Variants in PRKAR1B observed in about 807,000 individuals in gnomAD.
The protein encoded by PRKAR1B is cAMP-dependent protein kinase type I-beta regulatory subunit.
PRKAR1B carries 22 observed loss-of-function variants against 46.5 expected under a neutral mutation model. The observed-to-expected ratio is 0.47, with a 90% CI of 0.34 to 0.68. PRKAR1B has a LOEUF of 0.68. Ranked by LOEUF, PRKAR1B falls within the 30% of genes least tolerant of loss-of-function variation. PRKAR1B has a pLI of 0.01. For synonymous variants in PRKAR1B, 259 were observed against 217.7 expected, an observed-to-expected ratio of 1.19 and a Z score of -1.67; for missense variants, 445 against 535.6, an observed-to-expected ratio of 0.83 and a Z score of 1.67.
rs746078436 is a variant in PRKAR1B at position 550,416 on chromosome 7, G to T, written c.*14C>A. Reference sequence around the variant, plus strand: ...CCACACTGGGGAGCTGGGGCTGCAGGGCGGGAGCTGTGCTCAGACGGTGAG... The same window carrying T: ...CCACACTGGGGAGCTGGGGCTGCAGTGCGGGAGCTGTGCTCAGACGGTGAG... On this transcript the variant is annotated 3_prime_UTR_variant, in exon 11 of 11. Coordinates refer to ENST00000537384, the MANE Select transcript of PRKAR1B (RefSeq NM_001164760.2). 7 of 1,578,466 alleles carry T rather than the reference G, an allele frequency of 4.4e-6. No homozygotes were observed. The East Asian group carries it at 1.6e-4, about 37-fold the overall frequency.
At chr7:696,320 G>C (rs1222094677) in intron 2 of PRKAR1B, among the ~76,000 whole-genome samples, 2 of 151,298 alleles carry the variant, frequency 1.3e-5, no homozygotes, top group Non-Finnish European at 2.9e-5. Context: ...TGCCCAGGCT[G>C]GAGTGCAGTG....
intron 3 of PRKAR1B, among the ~76,000 whole-genome samples, chr7:679,644 G>T (rs750936386): frequency 1.3e-5 from 2 of 152,232 alleles, no homozygotes; most frequent in Non-Finnish European, 2.9e-5. Flanking sequence ...TGGTGGTGAT[G>T]ATTCCACAAC....
intron 4 of PRKAR1B, among the ~76,000 whole-genome samples, chr7:637,392 G>C (rs371996275): frequency 6.6e-6 from 1 of 152,112 alleles, no homozygotes; most frequent in African/African-American, 2.4e-5. Context: ...ACTCCAGCCT[G>C]GGTGAAGGAG....
intron 4 of PRKAR1B, among the ~76,000 whole-genome samples, chr7:616,825 C>A: frequency 6.6e-6 from 1 of 152,152 alleles, no homozygotes; most frequent in Non-Finnish European, 1.5e-5. Context: ...TGAATCCCAA[C>A]CTCATGTATT....
intron 9 of PRKAR1B, among the ~76,000 whole-genome samples, chr7:561,656 C>T (rs1462475061): frequency 6.6e-6 from 1 of 152,180 alleles, no homozygotes; most frequent in Non-Finnish European, 1.5e-5. Context: ...CGTCACACAC[C>T]CTGGGCTGCA....
intron 9 of PRKAR1B, among the ~76,000 whole-genome samples, chr7:557,557 G>T (rs1250534446): frequency 6.6e-6 from 1 of 152,180 alleles, no homozygotes; most frequent in Non-Finnish European, 1.5e-5. Context: ...AACAGCAGAG[G>T]AGGGAGAAAC....
intron 8 of PRKAR1B, among the ~76,000 whole-genome samples, chr7:583,759 C>T (rs918857470): frequency 1.2e-4 from 18 of 151,600 alleles, no homozygotes; most frequent in Non-Finnish European, 2.5e-4. Flanking sequence ...CATGTGCACT[C>T]GCACCCATGC....
At chr7:572,357 G>A (rs1306980279) in intron 9 of PRKAR1B, among the ~76,000 whole-genome samples, 3 of 152,310 alleles carry the variant, frequency 2.0e-5, no homozygotes, top group East Asian at 3.9e-4. Flanking sequence ...GACAGCGGGC[G>A]TGACCCCGTG....
At chr7:555,487 G>A (rs770310300) in intron 9 of PRKAR1B, among the ~76,000 whole-genome samples, 5 of 152,114 alleles carry the variant, frequency 3.3e-5, no homozygotes, top group Non-Finnish European at 5.9e-5. Context: ...CTCTTCACAC[G>A]CCCTGATAGG....
chr7:718,713 C>T (rs1468623533), intron 1 of PRKAR1B, among the ~76,000 whole-genome samples: 1 of 152,058 alleles, frequency 6.6e-6, no homozygotes, highest in Non-Finnish European at 1.5e-5. Flanking sequence ...ATACCTCCTA[C>T]TTCCCACTTT....
At chr7:673,067 A>AAAAC (rs1786365437) in intron 4 of PRKAR1B, among the ~76,000 whole-genome samples, 2 of 143,024 alleles carry the variant, frequency 1.4e-5, no homozygotes, top group South Asian at 2.3e-4. Flanking sequence ...AAAAAAAAAA[A>AAAAC]AAAAAAAAAA....
intron 10 of PRKAR1B, 32 bp downstream of exon 10, chr7:551,357 C>T (rs377282099): frequency 9.7e-6 from 15 of 1,545,060 alleles, no homozygotes; most frequent in African/African-American, 4.1e-5. Context: ...TGGCCACAGC[C>T]GTGCGAGGGA....
intron 2 of PRKAR1B, among the ~76,000 whole-genome samples, chr7:681,678 C>T (rs1307840995): frequency 6.6e-6 from 1 of 152,158 alleles, no homozygotes; most frequent in Non-Finnish European, 1.5e-5. Context: ...CTCCGAAGCC[C>T]ACCCTGCCTT....
At chr7:663,135 G>GA (rs1444239925) in intron 4 of PRKAR1B, among the ~76,000 whole-genome samples, 4 of 152,232 alleles carry the variant, frequency 2.6e-5, no homozygotes, top group Non-Finnish European at 4.4e-5. Context: ...CCCGCGGGAA[G>GA]AATCAGTCAC....
chr7:559,026 T>A (rs906776901), intron 9 of PRKAR1B, among the ~76,000 whole-genome samples: 4 of 152,198 alleles, frequency 2.6e-5, no homozygotes, highest in African/African-American at 9.7e-5. Flanking sequence ...ACAGACCATT[T>A]GCCTTCCTCG....
At position 666,973 on chromosome 7, in the gene PRKAR1B, T is replaced by C. The variant is rs942151266; in HGVS notation, c.440+10256A>G. Among the ~76,000 whole-genome samples, 1 of 152,182 alleles carries C rather than the reference T, an allele frequency of 6.6e-6. No individual in the cohort carries two copies. The highest frequency in any genetic ancestry group is 6.5e-5 in the Admixed American group (1 of 15,272). On this transcript the variant is annotated intron_variant, in intron 4 of 10. Coordinates refer to ENST00000537384, the MANE Select transcript of PRKAR1B (RefSeq NM_001164760.2). This position sits in a 1 kb window ranked among gnomAD's most constrained non-coding sequence, Gnocchi z 4.9. ...ATGATGATGGCGGTGATGATGATGA[T>C]GGTGATGATAAAGATGATGATGGCA...
intron 4 of PRKAR1B, among the ~76,000 whole-genome samples, chr7:675,650 T>G (rs193222975): frequency 9.1e-4 from 138 of 152,240 alleles, no homozygotes; most frequent in African/African-American, 3.0e-3. Context: ...CCAATGTTCA[T>G]AAAGTTAAAA....
intron 4 of PRKAR1B, among the ~76,000 whole-genome samples, chr7:659,232 C>T (rs1394086005): frequency 2.0e-5 from 3 of 152,206 alleles, no homozygotes; most frequent in Non-Finnish European, 2.9e-5. Flanking sequence ...TACTTATAGT[C>T]TCTTCCATTA....
chr7:608,370 C>T (rs1782237048), intron 4 of PRKAR1B: 1 of 152,204 alleles, frequency 6.6e-6, no homozygotes, highest in African/African-American at 2.4e-5. Context: ...CACAGGTGCA[C>T]CCTGACTCCC....
Sources: gnomAD v4.1 joint callset for allele counts (sites outside exome capture counted in the v4.1 genomes callset) on GRCh38, gnomAD v4.1.1 for gene constraint, Gnocchi (gnomAD v3.1) non-coding constraint, MANE v1.5 for transcripts, NCBI Gene and HGNC (gene_info 2026-07-23, HGNC 2026-07-21) for gene names.